Variants in TLN2 observed in about 807,000 individuals in gnomAD.
The protein encoded by TLN2 is talin-2.
Under a neutral mutation model 294.7 loss-of-function variants are expected in TLN2, and 118 were observed. The observed-to-expected ratio is 0.40, with a 90% CI of 0.34 to 0.47. The LOEUF (loss-of-function observed/expected upper bound fraction) is 0.47, where lower values mean the gene tolerates loss of function less well. Ranked by LOEUF, TLN2 falls within the 20% of genes least tolerant of loss-of-function variation. The pLI is 0.84. For synonymous variants in TLN2, 1,431 were observed against 1,304.5 expected (o/e 1.10, Z -2.09); for missense variants, 3,083 against 3,282.2 (o/e 0.94, Z 1.48).
chr15:62,796,361 A>G, intron 47 of TLN2, 68 bp downstream of exon 47: 1 of 1,522,668 alleles, frequency 6.6e-7, no homozygotes, highest in Non-Finnish European at 8.8e-7. Flanking sequence ...ATCGACTTGG[A>G]GACGCCACCT....
At chr15:62,703,617 A>ACGCG (rs1567403278) in intron 19 of TLN2, among the ~76,000 whole-genome samples, 7 of 105,816 alleles carry the variant, frequency 6.6e-5, no homozygotes, top group African/African-American at 2.4e-4. Context: ...ACACACACAC[A>ACGCG]CACACGCGCG....
At chr15:62,750,532 T>G in intron 34 of TLN2, 41 bp downstream of exon 34, 1 of 1,558,650 alleles carries the variant, frequency 6.4e-7, no homozygotes, top group Non-Finnish European at 8.9e-7. Context: ...TAGCATTGCT[T>G]GTCAATGTGG....
At chr15:62,641,548 G>A (rs1305743033) in intron 3 of TLN2, among the ~76,000 whole-genome samples, 5 of 151,980 alleles carry the variant, frequency 3.3e-5, no homozygotes, top group East Asian at 1.9e-4. Context: ...CCGGCTACTC[G>A]GGAGGCAGAG....
chr15:62,402,810 C>T (rs979017769), intron 1 of TLN2, among the ~76,000 whole-genome samples: 1 of 152,218 alleles, frequency 6.6e-6, no homozygotes, highest in South Asian at 2.1e-4. Flanking sequence ...AACCTACCAG[C>T]ACACACGTGT....
In TLN2 at chr15:62,748,410, A is replaced by G. The variant is rs2061731829; in HGVS notation, c.4085A>G (p.Gln1362Arg). The G allele has an allele frequency of 6.2e-7, 1 of 1,613,822 alleles. No individual in the cohort carries two copies. Among genetic ancestry groups the G allele is most frequent in the Non-Finnish European group, 8.5e-7 (1 of 1,180,018 alleles). Residue 1362 changes from glutamine (Q) to arginine (R), a missense_variant, in exon 33 of 59, where the codon CAG (glutamine) becomes CGG (arginine). Physicochemically the swap from Gln to Arg is conservative, Grantham distance 43. Coordinates refer to ENST00000636159, the MANE Select transcript of TLN2 (RefSeq NM_015059.3). ...ITLCTQQAPG[Q>R]KECDNALREL... ...CTGTGTACCCAACAAGCTCCGGGCC[A>G]GAAAGAGTGCGATAATGCCCTGCGG...
intron 37 of TLN2, among the ~76,000 whole-genome samples, chr15:62,760,887 A>G (rs1293935003): frequency 1.3e-5 from 2 of 152,136 alleles, no homozygotes; most frequent in African/African-American, 4.8e-5. Context: ...CAAGTGGAAC[A>G]CCCCTTGGTA....
At chr15:62,472,209 A>AT (rs1384519510) in intron 1 of TLN2, among the ~76,000 whole-genome samples, 3 of 151,588 alleles carry the variant, frequency 2.0e-5, no homozygotes, top group Non-Finnish European at 4.4e-5. Context: ...TGTGCAAGTC[A>AT]TTTTTTCCAG....
chr15:62,843,786 AG>A lies in TLN2; in HGVS notation c.*3177del, dbSNP rs1209550615. 1.3e-5 allele frequency: 2 copies of A among 152,230 alleles called. No homozygotes were observed. Among genetic ancestry groups the A allele is most frequent in the Non-Finnish European group, 2.9e-5 (2 of 68,058 alleles). The allele number at this position is 152,230 out of a possible 1,614,324, so 9.4% of individuals were successfully genotyped here. ...AAGGCCAAAACCTCATCAAGGAACC[AG>A]ACACAGGTCAAAAGTGGTGAGCAAG... is the stretch of plus-strand genomic sequence containing the variant. On this transcript the variant is annotated 3_prime_UTR_variant, in exon 59 of 59. Coordinates refer to ENST00000636159, the MANE Select transcript of TLN2 (RefSeq NM_015059.3).
chr15:62,517,382 T>G (rs2040238415), intron 1 of TLN2, among the ~76,000 whole-genome samples: 1 of 152,200 alleles, frequency 6.6e-6, no homozygotes, highest in Non-Finnish European at 1.5e-5. Flanking sequence ...TGTTTTTGCT[T>G]GAAAAATAAC....
intron 1 of TLN2, among the ~76,000 whole-genome samples, chr15:62,556,922 G>C (rs1006349439): frequency 2.0e-5 from 3 of 152,162 alleles, no homozygotes; most frequent in Admixed American, 6.5e-5. Context: ...ACTGTAATCA[G>C]GGGAAAATAT....
intron 1 of TLN2, among the ~76,000 whole-genome samples, chr15:62,519,213 G>A (rs1244953836): frequency 1.3e-5 from 2 of 152,186 alleles, no homozygotes; most frequent in Admixed American, 6.5e-5. Flanking sequence ...CCTCCTGAGT[G>A]TGCTTTTTAT....
At chr15:62,705,734 A>T (rs918058536) in intron 19 of TLN2, among the ~76,000 whole-genome samples, 9 of 152,246 alleles carry the variant, frequency 5.9e-5, no homozygotes, top group African/African-American at 2.2e-4. Flanking sequence ...ATGTCCAGGA[A>T]TTGTAACTTT....
At chr15:62,503,943 GA>G (rs2039444666) in intron 1 of TLN2, among the ~76,000 whole-genome samples, 1 of 152,056 alleles carries the variant, frequency 6.6e-6, no homozygotes, top group Non-Finnish European at 1.5e-5. Context: ...ATCTCACGTA[GA>G]AAAAAGAGTA....
chr15:62,680,491 G>C (rs540878112), intron 11 of TLN2, among the ~76,000 whole-genome samples: 28 of 151,536 alleles, frequency 1.8e-4, no homozygotes, highest in Non-Finnish European at 5.9e-5. Context: ...GAGTATGTAT[G>C]TAAAAATTAG....
intron 1 of TLN2, among the ~76,000 whole-genome samples, chr15:62,449,550 G>T (rs1224086970): frequency 1.3e-5 from 2 of 152,072 alleles, no homozygotes; most frequent in African/African-American, 4.8e-5. Context: ...GCTGGGTATG[G>T]TGGCTCACCT....
At chr15:62,577,368 T>TGG (rs533425401) in intron 1 of TLN2, among the ~76,000 whole-genome samples, 348 of 152,234 alleles carry the variant, frequency 2.3e-3, no homozygotes, top group Middle Eastern at 0.02. Flanking sequence ...CACTTGAACC[T>TGG]GGGAGGCGGA....
intron 11 of TLN2, among the ~76,000 whole-genome samples, chr15:62,680,293 A>G (rs2056700656): frequency 6.6e-6 from 1 of 152,178 alleles, no homozygotes; most frequent in Admixed American, 6.5e-5. Flanking sequence ...AAGTCTTTTA[A>G]CCCATAAACA....
chr15:62,800,255 ACTGT>A (rs1266730258), intron 48 of TLN2, 109 bp from the exon 49 acceptor site: 2 of 1,488,920 alleles, frequency 1.3e-6, no homozygotes, highest in Admixed American at 2.1e-5. Flanking sequence ...CAGACTTCAG[ACTGT>A]CTTTCTCTCC....
Position 62,766,404 on chromosome 15 carries a change from A to T in TLN2, c.5178A>T (p.Ala1726=). ...DPIATAARGE[A]AQLGHKVTQL... Reference sequence around the variant, plus strand: ...TCGCCACAGCGGCTCGGGGAGAAGCAGCTCAGCTGGGACATAAGGTAATGC... The same window carrying T: ...TCGCCACAGCGGCTCGGGGAGAAGCTGCTCAGCTGGGACATAAGGTAATGC... Residue 1726 remains alanine (A), a synonymous_variant, in exon 41 of 59, where the codon GCA becomes GCT. Coordinates refer to ENST00000636159, the MANE Select transcript of TLN2 (RefSeq NM_015059.3). The T allele has an allele frequency of 1.2e-6, 2 of 1,611,690 alleles. No homozygotes were observed. The highest frequency in any genetic ancestry group is 1.7e-6 in the Non-Finnish European group (2 of 1,177,950).
Sources: gnomAD v4.1 joint callset for allele counts (sites outside exome capture counted in the v4.1 genomes callset) on GRCh38, gnomAD v4.1.1 for gene constraint, MANE v1.5 for transcripts, NCBI Gene and HGNC (gene_info 2026-07-23, HGNC 2026-07-21) for gene names.